SCML4: variants seen among roughly 807,000 people sequenced by gnomAD.
SCML4 encodes sex comb on midleg-like protein 4.
In SCML4, 34 loss-of-function variants were observed where a neutral mutation model predicts 41.1. That is an observed-to-expected ratio of 0.83 (90% CI 0.63 to 1.10). The LOEUF (loss-of-function observed/expected upper bound fraction) is 1.10. SCML4 is among the 50% of genes least tolerant of loss of function. The probability of loss-of-function intolerance (pLI) is 0.00; values close to 1 mark genes in which losing one functional copy is unlikely to be tolerated. For missense variants in SCML4, 522 were observed against 534.1 expected (o/e 0.98, Z 0.22); for synonymous variants, 214 against 220.9 (o/e 0.97, Z 0.28).
chr6:107,793,961 T>TA (rs751922114), intron 1 of SCML4, among the ~76,000 whole-genome samples: 8 of 151,500 alleles, frequency 5.3e-5, no homozygotes, highest in Non-Finnish European at 8.8e-5. Context: ...TAAACTAAAC[T>TA]AAAAAAACAA....
intron 2 of SCML4, among the ~76,000 whole-genome samples, chr6:107,760,386 C>G (rs375755139): frequency 6.6e-6 from 1 of 152,190 alleles, no homozygotes; most frequent in Non-Finnish European, 1.5e-5. Context: ...AATAAAGGCA[C>G]TCCAGCTGTA....
At chr6:107,827,394 T>C (rs1037498995), upstream of SCML4, among the ~76,000 whole-genome samples, 1 of 150,084 alleles carries the variant, frequency 6.7e-6, no homozygotes, top group Admixed American at 6.6e-5. Flanking sequence ...ACACATTTAT[T>C]AAAATATATA....
chr6:107,742,723 A>G (rs966663355), intron 5 of SCML4, among the ~76,000 whole-genome samples: 2 of 152,198 alleles, frequency 1.3e-5, no homozygotes, highest in Non-Finnish European at 2.9e-5. Context: ...TATGAAGGGT[A>G]AATAAATTTT....
rs1156273528 is a variant in SCML4 at position 107,803,703 on chromosome 6, T to C, written c.-60+20423A>G. On this transcript the variant is annotated intron_variant, in intron 1 of 7. Transcript: ENST00000369020. Reference sequence around the variant, plus strand: ...GGAGACTTTTCATTTTGTTCTGTACTAAGAAAAATTCTTCTGCCTTGGGAT... The same window carrying C: ...GGAGACTTTTCATTTTGTTCTGTACCAAGAAAAATTCTTCTGCCTTGGGAT... 1.5e-4 allele frequency among the ~76,000 whole-genome samples: 22 copies of C among 149,258 alleles called. No individual in the cohort carries two copies. The East Asian group carries it at 4.1e-3, about 28-fold the overall frequency.
chr6:107,746,474 A>G (rs1778101947), intron 4 of SCML4: 1 of 481,196 alleles, frequency 2.1e-6, no homozygotes, highest in African/African-American at 2.0e-5. Context: ...AGTCAAGATG[A>G]GGATCAGAAA....
chr6:107,833,933 A>T, the SCML4 span, among the ~76,000 whole-genome samples: 1 of 152,142 alleles, frequency 6.6e-6, no homozygotes, highest in Non-Finnish European at 1.5e-5. Flanking sequence ...GTTAGGCTGA[A>T]TATGATGTAA....
At chr6:107,798,356 G>A (rs1360502730) in intron 1 of SCML4, among the ~76,000 whole-genome samples, 1 of 151,696 alleles carries the variant, frequency 6.6e-6, no homozygotes, top group Admixed American at 6.6e-5. Flanking sequence ...GGTCAGTTGT[G>A]TTTTTCAAAA....
Position 107,707,853 on chromosome 6 carries a change from A to G in SCML4, c.1119+13T>C. The G allele has an allele frequency of 6.4e-7, 1 of 1,551,568 alleles. No individual in the cohort carries two copies. Among genetic ancestry groups the G allele is most frequent in the Non-Finnish European group, 8.7e-7 (1 of 1,146,954 alleles). ...CTCAATCCCCCCCAAGGTCAAACCC[A>G]CCACTCGCATACGTGCTTTCTGAAG... On this transcript the variant is annotated intron_variant, in intron 7 of 7. Coordinates refer to ENST00000369020, the MANE Select transcript of SCML4 (RefSeq NM_198081.5).
At chr6:107,763,536 G>A (rs1328665982) in intron 2 of SCML4, among the ~76,000 whole-genome samples, 1 of 151,990 alleles carries the variant, frequency 6.6e-6, no homozygotes, top group East Asian at 1.9e-4. Flanking sequence ...ATGGGCACCC[G>A]CCACCACACC....
At chr6:107,825,330 G>C (rs1785209624), upstream of SCML4, among the ~76,000 whole-genome samples, 1 of 152,158 alleles carries the variant, frequency 6.6e-6, no homozygotes, top group South Asian at 2.1e-4. Context: ...GCTAACGAAG[G>C]CTTAGGCCAC....
At position 107,749,703 on chromosome 6, in the gene SCML4, C is replaced by T. The variant is rs764498398; in HGVS notation, c.267G>A (p.Ala89=). 38 of 1,613,832 alleles carry T rather than the reference C, an allele frequency of 2.4e-5. No individual in the cohort carries two copies. Among genetic ancestry groups the T allele is most frequent in the South Asian group, 1.4e-4 (13 of 91,064 alleles). The change falls in exon 3 of 8, where the codon GCG becomes GCA. Residue 89 remains alanine (A), a synonymous_variant. Coordinates refer to ENST00000369020, the MANE Select transcript of SCML4 (RefSeq NM_198081.5). The part of the protein sequence containing the change: ...PQDAATVPSL[A]APQALTVCLY... ...ACCTACCTGTGAGAGCCTGTGGGGCCGCCAAGCTGGGGACCGTGGCTGCGT... is the reference window on the plus strand; with the variant it reads ...ACCTACCTGTGAGAGCCTGTGGGGCTGCCAAGCTGGGGACCGTGGCTGCGT...
At chr6:107,780,861 T>C (rs1211764241) in intron 1 of SCML4, among the ~76,000 whole-genome samples, 1 of 152,114 alleles carries the variant, frequency 6.6e-6, no homozygotes, top group Non-Finnish European at 1.5e-5. Flanking sequence ...TCATCGGTGC[T>C]AAGAGGACAA....
chr6:107,705,832 A>G (rs985571461), intron 7 of SCML4, among the ~76,000 whole-genome samples: 1 of 152,170 alleles, frequency 6.6e-6, no homozygotes, highest in Non-Finnish European at 1.5e-5. Flanking sequence ...CTATTCCACT[A>G]GATGGAATAC....
At chr6:107,822,562 T>G (rs6568508) in intron 1 of SCML4, among the ~76,000 whole-genome samples, 1 of 148,740 alleles carries the variant, frequency 6.7e-6, no homozygotes, top group Admixed American at 6.7e-5. Context: ...AGGGAAGAAA[T>G]GTAAACATGT....
At chr6:107,759,132 CAAAAAAAA>C (rs60124415) in intron 2 of SCML4, among the ~76,000 whole-genome samples, 8 of 88,232 alleles carry the variant, frequency 9.1e-5, no homozygotes, top group African/African-American at 1.4e-4. Context: ...ACAAAAAATA[CAAAAAAAA>C]AAAAAAAAAA....
Position 107,702,651 on chromosome 6 carries a change from T to C in SCML4, c.*2549A>G, listed in dbSNP as rs1773276923. 1.3e-5 allele frequency among the ~76,000 whole-genome samples: 2 copies of C among 152,266 alleles called. No individual in the cohort carries two copies. Among genetic ancestry groups the C allele is most frequent in the African/African-American group, 2.4e-5 (1 of 41,528 alleles). The stretch of plus-strand genomic sequence containing the variant: ...CTGCCCATGGCTGTTTTGAGGGAAA[T>C]GTATCTAACTCTAAACCAGCAGTGA... On this transcript the variant is annotated 3_prime_UTR_variant, in exon 8 of 8. Transcript: ENST00000369020.
intron 6 of SCML4, among the ~76,000 whole-genome samples, chr6:107,713,770 G>A (rs1411426458): frequency 6.6e-6 from 1 of 152,120 alleles, no homozygotes; most frequent in African/African-American, 2.4e-5. Context: ...GGAGGACCGG[G>A]GCTGGCAAGG....
At chr6:107,793,896 A>C (rs1302346887) in intron 1 of SCML4, among the ~76,000 whole-genome samples, 4 of 152,168 alleles carry the variant, frequency 2.6e-5, no homozygotes, top group Non-Finnish European at 5.9e-5. Flanking sequence ...CCAAGATCAC[A>C]CCACTGCACT....
intron 1 of SCML4, among the ~76,000 whole-genome samples, chr6:107,802,727 C>T (rs1783289011): frequency 7.0e-6 from 1 of 143,194 alleles, no homozygotes; most frequent in African/African-American, 2.8e-5. Context: ...TCTCCCTCTC[C>T]CCCTCCCTCT....
Sources: gnomAD v4.1 joint callset for allele counts (sites outside exome capture counted in the v4.1 genomes callset) on GRCh38, gnomAD v4.1.1 for gene constraint, MANE v1.5 for transcripts, NCBI Gene and HGNC (gene_info 2026-07-23, HGNC 2026-07-21) for gene names.